ROBO4: variants seen among roughly 807,000 people sequenced by gnomAD.
ROBO4 encodes the protein roundabout guidance receptor 4.
Under a neutral mutation model 103.3 loss-of-function variants are expected in ROBO4, and 80 were observed. That is an observed-to-expected ratio of 0.77 (90% CI 0.65 to 0.93). ROBO4 has a LOEUF of 0.93. Among genes scored for constraint, ROBO4 ranks in the 40% least tolerant of loss-of-function variants. ROBO4 has a pLI of 0.00. For synonymous variants in ROBO4, 504 were observed against 529.7 expected (o/e 0.95, Z 0.67); for missense variants, 1,333 against 1,305.3 (o/e 1.02, Z -0.33).
In ROBO4 at chr11:124,897,061, G is replaced by A. The variant is rs1946905673; in HGVS notation, c.271C>T (p.Leu91=). 2 of 1,613,202 alleles carry A rather than the reference G, an allele frequency of 1.2e-6. No homozygotes were observed. Among genetic ancestry groups the A allele is most frequent in the Non-Finnish European group, 8.5e-7 (1 of 1,179,482 alleles). The change falls in exon 2 of 18, where the codon CTA becomes TTA. Residue 91 remains leucine, a synonymous_variant. Transcript: ENST00000306534. ...HLLPDGTLLL[L]QPPARGHAHD... ...GCATGTCCCCGGGCAGGGGGCTGTA[G>A]CAGCAGAAGGGTCCCATCAGGCAGG...
chr11:124,895,986 C>T, intron 4 of ROBO4, 74 bp from the exon 5 acceptor site: 1 of 1,590,606 alleles, frequency 6.3e-7, no homozygotes. Flanking sequence ...CATCCCTCAG[C>T]CAGGGAGGAA....
chr11:124,889,153 T>C (rs1475114027), intron 12 of ROBO4, among the ~76,000 whole-genome samples: 1 of 152,246 alleles, frequency 6.6e-6, no homozygotes, highest in Non-Finnish European at 1.5e-5. Flanking sequence ...ACTCCCTCCG[T>C]CAAAGTTTCC....
At position 124,884,840 on chromosome 11, in the gene ROBO4, G is replaced by T; in HGVS notation, c.*51C>A. On this transcript the variant is annotated 3_prime_UTR_variant, in exon 18 of 18. Coordinates refer to ENST00000306534, the MANE Select transcript of ROBO4 (RefSeq NM_019055.6). Reference sequence around the variant, plus strand: ...ACACCACAGCCCAGGTCTTGTGGGTGGACAGGAGAAGTGGTTCTGATTCCC... The same window carrying T: ...ACACCACAGCCCAGGTCTTGTGGGTTGACAGGAGAAGTGGTTCTGATTCCC... 6.2e-7 allele frequency: 1 copy of T among 1,607,176 alleles called. No individual in the cohort carries two copies.
At chr11:124,895,999 C>G in intron 4 of ROBO4, 87 bp from the exon 5 acceptor site, 1 of 1,576,302 alleles carries the variant, frequency 6.3e-7, no homozygotes, top group South Asian at 1.1e-5. Flanking sequence ...GGGAGGAACC[C>G]CAGGGAACCC....
In ROBO4 at chr11:124,897,825, G is replaced by A. The variant is rs760030199; in HGVS notation, c.-30C>T. ...ACTCTCAGCCCTATGTCCTTGTCCC[G>A]AGCACTTTGTCCTGCTGCTCTGAGC... On this transcript the variant is annotated 5_prime_UTR_variant, in exon 1 of 18. Coordinates refer to ENST00000306534, the MANE Select transcript of ROBO4 (RefSeq NM_019055.6). 1.1e-5 allele frequency: 17 copies of A among 1,574,940 alleles called. No homozygotes were observed. In the African/African-American group the frequency reaches 1.2e-4, roughly 11 times the overall value.
Position 124,886,784 on chromosome 11 carries a change from G to C in ROBO4, c.2474C>G (p.Pro825Arg). 2 of 1,541,870 alleles carry C rather than the reference G, an allele frequency of 1.3e-6. No individual in the cohort carries two copies. Among genetic ancestry groups the C allele is most frequent in the Admixed American group, 3.9e-5 (2 of 51,336 alleles). Residue 825 changes from proline (P) to arginine (R), a missense_variant, in exon 16 of 18, where the codon CCC becomes CGC. By Grantham distance (103) the Pro-to-Arg change is moderately radical (BLOSUM62 -2). Coordinates refer to ENST00000306534, the MANE Select transcript of ROBO4 (RefSeq NM_019055.6). ...VSPMPRAPSP[P>R]TTYGYISVPT... is the part of the protein sequence containing the mutation. ...GACGCTGATGTACCCATAGGTGGTG[G>C]GGGGTGAAGGAGCCCTTGGCATGGG...
chr11:124,895,652 T>C lies in ROBO4; in HGVS notation c.841A>G (p.Thr281Ala). 6.2e-7 allele frequency: 1 copy of C among 1,613,494 alleles called. No individual in the cohort carries two copies. The highest frequency in any genetic ancestry group is 8.5e-7 in the Non-Finnish European group (1 of 1,179,712). The change falls in exon 6 of 18, where the codon ACG becomes GCG. Residue 281 changes from threonine to alanine, a missense_variant. Transcript: ENST00000306534. ...GCAGTCTGGGTCCTGAACAAGGCCGTGTAAGATTGGGCAGGCGCAGCAGGG... is the reference window on the plus strand; with the variant it reads ...GCAGTCTGGGTCCTGAACAAGGCCGCGTAAGATTGGGCAGGCGCAGCAGGG... ...SGPAAPAQSY[T>A]ALFRTQTAPG...
Position 124,897,115 on chromosome 11 carries a change from T to A in ROBO4, c.217A>T (p.Ser73Cys), listed in dbSNP as rs762967969. 2.5e-6 allele frequency: 4 copies of A among 1,586,666 alleles called. No individual in the cohort carries two copies. In the South Asian group the frequency reaches 4.6e-5, roughly 18 times the overall value. ...TGGTGTGGGTCTGGGGGCACCATGC[T>A]CAGGGGCTGCCCATTCAGCAACCAG... is the stretch of plus-strand genomic sequence containing the variant. ...IRWLLNGQPL[S>C]MVPPDPHHLL... Residue 73 changes from serine to cysteine, a missense_variant, in exon 2 of 18, where the codon AGC (serine) becomes TGC (cysteine). Ser to Cys is a moderately radical substitution (Grantham distance 112, BLOSUM62 -1). Transcript: ENST00000306534.
rs1726040666 is a variant in ROBO4 at position 124,887,219 on chromosome 11, T to C, written c.2199-6A>G. On this transcript the variant is annotated splice_polypyrimidine_tract_variant and splice_region_variant and intron_variant, in intron 14 of 17. Coordinates refer to ENST00000306534, the MANE Select transcript of ROBO4 (RefSeq NM_019055.6). ...CCTGTGGTGCCACCGGAGGCCTGAT[T>C]TGCGGGAGAGAGTGATGGCACCGTA... is the stretch of plus-strand genomic sequence containing the variant. The C allele has an allele frequency of 6.3e-7, 1 of 1,587,914 alleles. No homozygotes were observed. Among genetic ancestry groups the C allele is most frequent in the Non-Finnish European group, 8.6e-7 (1 of 1,165,756 alleles).
chr11:124,891,779 C>T lies in ROBO4; in HGVS notation c.1571G>A (p.Trp524Ter). 6.2e-7 allele frequency: 1 copy of T among 1,614,130 alleles called. No individual in the cohort carries two copies. Among genetic ancestry groups the T allele is most frequent in the Non-Finnish European group, 8.5e-7 (1 of 1,180,022 alleles). ...GGTGGAACGCCAAGTGTCTGCCAACCACTGGGAGTCACTGTGATCCATCCT... is the reference window on the plus strand; with the variant it reads ...GGTGGAACGCCAAGTGTCTGCCAACTACTGGGAGTCACTGTGATCCATCCT... ...KHRMDHSDSQ[W>*]LADTWRSTSG... The change falls in exon 11 of 18, where the codon TGG becomes TAG. Residue 524 changes from tryptophan to a stop codon, truncating the protein, a stop_gained. Coordinates refer to ENST00000306534, the MANE Select transcript of ROBO4 (RefSeq NM_019055.6). LOFTEE classifies it high-confidence loss of function.
Position 124,893,685 on chromosome 11 carries a change from C to A in ROBO4, c.1547+3G>T. On this transcript the variant is annotated splice_donor_region_variant and intron_variant, in intron 10 of 17. Coordinates refer to ENST00000306534, the MANE Select transcript of ROBO4 (RefSeq NM_019055.6). ...ACTTCAGACCTCCCCTTTCACCTCTCACCTGTGTTTTAGGATGGCATCCTC... is the reference window on the plus strand; with the variant it reads ...ACTTCAGACCTCCCCTTTCACCTCTAACCTGTGTTTTAGGATGGCATCCTC... 1 of 1,613,932 alleles carries A rather than the reference C, an allele frequency of 6.2e-7. No homozygotes were observed. The highest frequency in any genetic ancestry group is 8.5e-7 in the Non-Finnish European group (1 of 1,179,852).
chr11:124,892,156 G>A, intron 10 of ROBO4: 1 of 463,800 alleles, frequency 2.2e-6, no homozygotes, highest in South Asian at 1.7e-5. Flanking sequence ...TTGCACTTGG[G>A]TAAGTACATC....
At chr11:124,890,490 A>G (rs978248252) in intron 12 of ROBO4, among the ~76,000 whole-genome samples, 4 of 152,252 alleles carry the variant, frequency 2.6e-5, no homozygotes, top group African/African-American at 7.2e-5. Flanking sequence ...AGAGAGACTC[A>G]GAATCACTTC....
Position 124,896,471 on chromosome 11 carries a change from G to T in ROBO4, c.558+42C>A, listed in dbSNP as rs1446922056. 4 of 1,605,984 alleles carry T rather than the reference G, an allele frequency of 2.5e-6. No individual in the cohort carries two copies. The South Asian group carries it at 4.4e-5, about 18-fold the overall frequency. ...AGTCCATCAGGGTGTACCCAGGTCT[G>T]CCCAGGCCAGGATGAAGTGTGGGGG... On this transcript the variant is annotated intron_variant, in intron 3 of 17. Coordinates refer to ENST00000306534, the MANE Select transcript of ROBO4 (RefSeq NM_019055.6).
In ROBO4 at chr11:124,891,281, T is replaced by G. The variant is rs760016603; in HGVS notation, c.1948+18A>C. 1 of 1,514,198 alleles carries G rather than the reference T, an allele frequency of 6.6e-7. No homozygotes were observed. Among genetic ancestry groups the G allele is most frequent in the Non-Finnish European group, 8.8e-7 (1 of 1,133,170 alleles). 93.8% of individuals were successfully genotyped at this position (1,514,198 alleles called of 1,614,324 possible). On this transcript the variant is annotated intron_variant, in intron 12 of 17. Coordinates refer to ENST00000306534, the MANE Select transcript of ROBO4 (RefSeq NM_019055.6). The stretch of plus-strand genomic sequence containing the variant: ...GCCTACCACCAGCTCAGTCTATGTC[T>G]ATTCTCCCCCTCCTTACCCTGCTTC...
chr11:124,896,475 A>G, intron 3 of ROBO4, 38 bp downstream of exon 3: 1 of 1,607,788 alleles, frequency 6.2e-7, no homozygotes, highest in Non-Finnish European at 8.5e-7. Context: ...AGGTCTGCCC[A>G]GGCCAGGATG....
intron 10 of ROBO4, 69 bp downstream of exon 10, chr11:124,893,619 C>T: frequency 7.0e-7 from 1 of 1,430,292 alleles, no homozygotes; most frequent in Non-Finnish European, 9.9e-7. Context: ...GTACTCCATT[C>T]TTCTCTGTTG....
At position 124,887,136 on chromosome 11, in the gene ROBO4, G is replaced by A. The variant is rs1006425419; in HGVS notation, c.2276C>T (p.Pro759Leu). ...APIPILSPCSPPSPQASSLSG... is the reference protein window; with the variant it reads ...APIPILSPCSLPSPQASSLSG... ...GAGGGAAGAGGCCTGGGGGCTAGGG[G>A]GACTGCAGGGGCTAAGGATGGGGAT... Residue 759 changes from proline to leucine, a missense_variant, in exon 15 of 18, where the codon CCC (proline) becomes CTC (leucine). Pro to Leu is a moderately conservative substitution (Grantham distance 98). Transcript: ENST00000306534. 2 of 1,612,876 alleles carry A rather than the reference G, an allele frequency of 1.2e-6. No individual in the cohort carries two copies. Among genetic ancestry groups the A allele is most frequent in the Admixed American group, 1.7e-5 (1 of 59,924 alleles).
intron 14 of ROBO4, 70 bp from the exon 15 acceptor site, chr11:124,887,283 G>C (rs1436711140): frequency 1.9e-6 from 3 of 1,605,014 alleles, no homozygotes; most frequent in Non-Finnish European, 1.7e-6. Flanking sequence ...CCCTTCCCCA[G>C]CCTGTCCAAT....
Sources: gnomAD v4.1 joint callset for allele counts (sites outside exome capture counted in the v4.1 genomes callset) on GRCh38, gnomAD v4.1.1 for gene constraint, MANE v1.5 for transcripts, NCBI Gene and HGNC (gene_info 2026-07-23, HGNC 2026-07-21) for gene names.